BNC2: variants seen among roughly 807,000 people sequenced by gnomAD.
BNC2 encodes the protein zinc finger protein basonuclin-2.
BNC2 carries 20 observed loss-of-function variants against 76.3 expected under a neutral mutation model. The observed-to-expected ratio is 0.26, with a 90% CI of 0.18 to 0.38. BNC2 has a LOEUF of 0.38. BNC2 is among the 10% of genes least tolerant of loss of function. The probability of loss-of-function intolerance (pLI) is 1.00; values close to 1 mark genes in which losing one functional copy is unlikely to be tolerated. For synonymous variants in BNC2, 582 were observed against 514.8 expected, an observed-to-expected ratio of 1.13 and a Z score of -1.77; for missense variants, 1,382 against 1,399.8, an observed-to-expected ratio of 0.99 and a Z score of 0.20.
chr9:16,655,685 C>T (rs536283578), intron 3 of BNC2, among the ~76,000 whole-genome samples: 2 of 152,312 alleles, frequency 1.3e-5, no homozygotes, highest in Admixed American at 1.3e-4. Context: ...CCTCACGTGC[C>T]TATTATAGAA....
At chr9:16,422,921 G>A (rs975496127) in intron 6 of BNC2, among the ~76,000 whole-genome samples, 1 of 152,210 alleles carries the variant, frequency 6.6e-6, no homozygotes, top group African/African-American at 2.4e-5. Flanking sequence ...ATAGCAATTT[G>A]AGGACTATTA....
chr9:16,828,574 T>C (rs967345293), intron 1 of BNC2, among the ~76,000 whole-genome samples: 1 of 152,118 alleles, frequency 6.6e-6, no homozygotes, highest in Admixed American at 6.5e-5. Flanking sequence ...GTCCCACCAG[T>C]AAAAACAGGA....
intron 1 of BNC2, among the ~76,000 whole-genome samples, chr9:16,816,130 T>A (rs538668323): frequency 6.6e-6 from 1 of 152,168 alleles, no homozygotes; most frequent in Non-Finnish European, 1.5e-5. Context: ...GTAGCAGAGC[T>A]GCATAAATTT....
chr9:16,686,488 T>C (rs540111275), intron 3 of BNC2, among the ~76,000 whole-genome samples: 2 of 152,210 alleles, frequency 1.3e-5, no homozygotes, highest in Admixed American at 6.5e-5. Flanking sequence ...TCCATACTTA[T>C]ACTACTCACA....
rs1375477700 is a variant in BNC2, at chr9:16,416,427, T to C, written c.*2562A>G. On this transcript the variant is annotated 3_prime_UTR_variant, in exon 7 of 7. Coordinates refer to ENST00000380672, the MANE Select transcript of BNC2 (RefSeq NM_017637.6). ...AATGTTTGCAAACAAACTTTCATTATTCTAGTTCAATCTTTCACAAACATA... is the reference window on the plus strand; with the variant it reads ...AATGTTTGCAAACAAACTTTCATTACTCTAGTTCAATCTTTCACAAACATA... 2 of 152,628 alleles carry C rather than the reference T, an allele frequency of 1.3e-5. No individual in the cohort carries two copies. Among genetic ancestry groups the C allele is most frequent in the Non-Finnish European group, 2.9e-5 (2 of 68,032 alleles). The allele number at this position is 152,628 out of a possible 1,614,324, so 9.5% of individuals were successfully genotyped here. A position where few individuals can be genotyped will look rare whatever the true frequency, so the allele number is the denominator to read the frequency against.
chr9:16,725,015 TTAGAAA>T (rs1191293707), intron 3 of BNC2, among the ~76,000 whole-genome samples: 2 of 152,086 alleles, frequency 1.3e-5, no homozygotes, highest in African/African-American at 4.8e-5. Flanking sequence ...TAAATTTTAC[TTAGAAA>T]TAAAATAATC....
At chr9:16,854,355 C>T (rs1182052605) in intron 1 of BNC2, among the ~76,000 whole-genome samples, 1 of 152,034 alleles carries the variant, frequency 6.6e-6, no homozygotes, top group African/African-American at 2.4e-5. Context: ...TAATCTTAAC[C>T]CTTATTTTAG....
At chr9:16,638,712 G>A (rs190499663) in intron 3 of BNC2, among the ~76,000 whole-genome samples, 6 of 151,878 alleles carry the variant, frequency 4.0e-5, no homozygotes, top group East Asian at 1.9e-4. Flanking sequence ...CTTCATCTAC[G>A]AAAATACACT....
At chr9:16,741,652 T>C (rs1301309496) in intron 1 of BNC2, among the ~76,000 whole-genome samples, 1 of 151,836 alleles carries the variant, frequency 6.6e-6, no homozygotes, top group Non-Finnish European at 1.5e-5. Context: ...AAGAGAAAAA[T>C]ACCTTGCTCT....
chr9:16,531,120 C>G (rs1287211072), intron 5 of BNC2, among the ~76,000 whole-genome samples: 1 of 152,154 alleles, frequency 6.6e-6, no homozygotes, highest in Non-Finnish European at 1.5e-5. Flanking sequence ...TTAAAAATTA[C>G]TTAAATGTTC....
intron 5 of BNC2, among the ~76,000 whole-genome samples, chr9:16,512,239 G>A (rs7028503): frequency 6.6e-6 from 1 of 152,058 alleles, no homozygotes; most frequent in Non-Finnish European, 1.5e-5. Context: ...ATTCTATTCT[G>A]TCAAATAGAA....
chr9:16,446,272 G>C (rs190540845), intron 5 of BNC2, among the ~76,000 whole-genome samples: 4 of 152,058 alleles, frequency 2.6e-5, no homozygotes, highest in Admixed American at 2.6e-4. Flanking sequence ...GATATAATGA[G>C]GTGAGGTATA....
At chr9:16,588,288 T>C (rs1410852162) in intron 3 of BNC2, among the ~76,000 whole-genome samples, 1 of 152,250 alleles carries the variant, frequency 6.6e-6, no homozygotes, top group Non-Finnish European at 1.5e-5. Flanking sequence ...TCTCTTATGA[T>C]TCTTCCCAAT....
At chr9:16,560,134 G>T (rs929827490) in intron 4 of BNC2, among the ~76,000 whole-genome samples, 2 of 152,176 alleles carry the variant, frequency 1.3e-5, no homozygotes, top group Non-Finnish European at 2.9e-5. Flanking sequence ...CAGAGTTTCT[G>T]ATTCACTGGG....
chr9:16,502,157 G>GT (rs1413591901), intron 5 of BNC2, among the ~76,000 whole-genome samples: 1 of 152,102 alleles, frequency 6.6e-6, no homozygotes, highest in African/African-American at 2.4e-5. Flanking sequence ...GAGGGTAGGA[G>GT]TTTGAGACTA....
At chr9:16,720,301 A>G (rs1365408934) in intron 3 of BNC2, among the ~76,000 whole-genome samples, 1 of 152,256 alleles carries the variant, frequency 6.6e-6, no homozygotes, top group Non-Finnish European at 1.5e-5. Flanking sequence ...AAAAAGGGCC[A>G]GTGAAAGTAA....
intron 5 of BNC2, among the ~76,000 whole-genome samples, chr9:16,516,328 G>C (rs764019697): frequency 6.6e-6 from 1 of 151,524 alleles, no homozygotes; most frequent in Non-Finnish European, 1.5e-5. Flanking sequence ...AGAAGCGTTT[G>C]CAAGTTAAAT....
intron 1 of BNC2, among the ~76,000 whole-genome samples, chr9:16,780,534 T>C (rs1007936065): frequency 1.3e-5 from 2 of 151,284 alleles, no homozygotes; most frequent in Admixed American, 6.6e-5. Context: ...ATCACACCAC[T>C]ACACTCCAGC....
intron 5 of BNC2, among the ~76,000 whole-genome samples, chr9:16,523,491 AAC>A (rs71304887): frequency 0.049 from 4,414 of 90,144 alleles, 250 homozygotes; most frequent in African/African-American, 0.21. Context: ...AAAAAAACAA[AAC>A]AAAAAAAAAC....
Sources: gnomAD v4.1 joint callset for allele counts (sites outside exome capture counted in the v4.1 genomes callset) on GRCh38, gnomAD v4.1.1 for gene constraint, MANE v1.5 for transcripts, NCBI Gene and HGNC (gene_info 2026-07-23, HGNC 2026-07-21) for gene names.